The following PLIN3 variants were observed in gnomAD, a reference collection of about 807,000 sequenced individuals.
PLIN3 encodes the protein perilipin 3, also known as perilipin-3.
In PLIN3, 30 loss-of-function variants were observed where a neutral mutation model predicts 35.9. That is an observed-to-expected ratio of 0.84 (90% CI 0.62 to 1.13). PLIN3 has a LOEUF of 1.13. Ranked by LOEUF, PLIN3 falls within the 50% of genes most tolerant of loss-of-function variation. The pLI is 0.00. For synonymous variants in PLIN3, 261 were observed against 262.5 expected (o/e 0.99, Z 0.06); for missense variants, 603 against 596.9 (o/e 1.01, Z -0.11).
chr19:4,840,108 C>T (rs2146193442), intron 7 of PLIN3, among the ~76,000 whole-genome samples: 1 of 151,834 alleles, frequency 6.6e-6, no homozygotes, highest in South Asian at 2.1e-4. Flanking sequence ...GCTAGGACTA[C>T]AGGCGCGTGC....
At chr19:4,844,587 T>G in intron 7 of PLIN3, 81 bp downstream of exon 7, 1 of 1,391,262 alleles carries the variant, frequency 7.2e-7, no homozygotes, top group Non-Finnish European at 9.6e-7. Flanking sequence ...TCGAAGCAGG[T>G]AGGCCCATGA....
chr19:4,864,098 A>AATGTGTGTGTGTGTGTGT (rs1172963843), intron 1 of PLIN3, among the ~76,000 whole-genome samples: 7 of 125,374 alleles, frequency 5.6e-5, no homozygotes, highest in Admixed American at 3.3e-4. Context: ...ACACCTGGCT[A>AATGTGTGTGTGTGTGTGT]GTGTGTGTGT....
chr19:4,841,838 G>C (rs1308929689), intron 7 of PLIN3, among the ~76,000 whole-genome samples: 2 of 146,820 alleles, frequency 1.4e-5, no homozygotes, highest in African/African-American at 5.0e-5. Context: ...CCGGGAGGCG[G>C]AGCTTGCAGT....
At chr19:4,848,694 C>G (rs1362330099) in intron 5 of PLIN3, among the ~76,000 whole-genome samples, 1 of 152,148 alleles carries the variant, frequency 6.6e-6, no homozygotes, top group Non-Finnish European at 1.5e-5. Context: ...TGGCACTACC[C>G]CATCTCTACT....
intron 6 of PLIN3, among the ~76,000 whole-genome samples, chr19:4,845,999 C>T (rs1388769804): frequency 2.7e-4 from 38 of 141,046 alleles, no homozygotes; most frequent in African/African-American, 7.2e-4. Flanking sequence ...CCGAGGCGGG[C>T]GGATCAAGAG....
In PLIN3 at chr19:4,839,490, T is replaced by C. The variant is rs2093625842; in HGVS notation, c.1007A>G (p.Gln336Arg). Reference protein sequence around the residue: ...ALTMFRDIAQQLQATCTSLGS... With the variant: ...ALTMFRDIAQRLQATCTSLGS... ...CAGGGAGGTACAGGTGGCCTGCAGT[T>C]GCTGGGCAATGTCCCGGAACATGGT... is the stretch of plus-strand genomic sequence containing the variant. Residue 336 changes from glutamine to arginine, a missense_variant, in exon 8 of 8, where the codon CAA (glutamine) becomes CGA (arginine). Transcript: ENST00000221957. 6.5e-7 allele frequency: 1 copy of C among 1,547,920 alleles called. No homozygotes were observed. The highest frequency in any genetic ancestry group is 8.8e-7 in the Non-Finnish European group (1 of 1,142,192).
chr19:4,850,350 C>T (rs1319668959), intron 5 of PLIN3, among the ~76,000 whole-genome samples: 1 of 151,710 alleles, frequency 6.6e-6, no homozygotes, highest in African/African-American at 2.4e-5. Flanking sequence ...AATCTTGGCT[C>T]ACTGCAACCT....
rs756680594 is a variant in PLIN3 at position 4,859,878 on chromosome 19, C to T, written c.213G>A (p.Thr71=). 19 of 1,613,586 alleles carry T rather than the reference C, an allele frequency of 1.2e-5. No homozygotes were observed. Among genetic ancestry groups the T allele is most frequent in the South Asian group, 3.3e-5 (3 of 91,034 alleles). The change falls in exon 3 of 8, where the codon ACG becomes ACA. Residue 71 remains threonine, a synonymous_variant. Coordinates refer to ENST00000221957, the MANE Select transcript of PLIN3 (RefSeq NM_005817.5). ...DAAEKGVRTL[T]AAAVSGAQPI... The stretch of plus-strand genomic sequence containing the variant: ...GCTGAGCCCCGCTGACAGCAGCCGC[C>T]GTGAGGGTCCTCACTCCCTTCTCTG...
Position 4,861,311 on chromosome 19 carries a change from G to A in PLIN3, c.66+18C>T. On this transcript the variant is annotated intron_variant, in intron 2 of 7. Coordinates refer to ENST00000221957, the MANE Select transcript of PLIN3 (RefSeq NM_005817.5). ...AATCACAGGGTCGGGGCAGTCCCTG[G>A]TCCCGGCCCTTCCTCACCTGCTGTA... The A allele has an allele frequency of 6.2e-7, 1 of 1,610,498 alleles. No individual in the cohort carries two copies. The highest frequency in any genetic ancestry group is 8.5e-7 in the Non-Finnish European group (1 of 1,177,060).
At chr19:4,861,792 G>A (rs1170950362) in intron 1 of PLIN3, among the ~76,000 whole-genome samples, 3 of 151,708 alleles carry the variant, frequency 2.0e-5, no homozygotes, top group Non-Finnish European at 2.9e-5. Context: ...CCACCACCAC[G>A]CCCAGCTAAT....
chr19:4,842,557 G>T (rs185300049), intron 7 of PLIN3, among the ~76,000 whole-genome samples: 1 of 130,882 alleles, frequency 7.6e-6, no homozygotes, highest in Non-Finnish European at 1.5e-5. Flanking sequence ...CCGAGATCAT[G>T]ACATTGCACT....
At chr19:4,857,531 T>A (rs1360375569) in intron 4 of PLIN3, among the ~76,000 whole-genome samples, 1 of 152,016 alleles carries the variant, frequency 6.6e-6, no homozygotes, top group Non-Finnish European at 1.5e-5. Context: ...ATCACACTAC[T>A]GCACCCCACC....
chr19:4,866,349 C>G (rs2030858736), intron 1 of PLIN3, among the ~76,000 whole-genome samples: 1 of 152,216 alleles, frequency 6.6e-6, no homozygotes, highest in South Asian at 2.1e-4. Flanking sequence ...CTTGGCAACT[C>G]ACTAGGAATA....
chr19:4,861,446 T>C (rs1475968974), intron 1 of PLIN3, 35 bp from the exon 2 acceptor site: 3 of 1,493,442 alleles, frequency 2.0e-6, no homozygotes, highest in South Asian at 1.1e-5. Flanking sequence ...ACAGCCTGCC[T>C]GGCCCCACCT....
At chr19:4,857,838 T>C (rs548996824) in intron 4 of PLIN3, among the ~76,000 whole-genome samples, 1 of 151,770 alleles carries the variant, frequency 6.6e-6, no homozygotes, top group East Asian at 2.0e-4. Flanking sequence ...TGGCCAGGTG[T>C]GGTGGCACAT....
chr19:4,857,473 T>C (rs2030511797), intron 4 of PLIN3, among the ~76,000 whole-genome samples: 2 of 151,528 alleles, frequency 1.3e-5, no homozygotes, highest in Admixed American at 6.6e-5. Flanking sequence ...GAAGCTGAGA[T>C]GGGAGGATCA....
At chr19:4,846,651 A>C (rs2030107354) in intron 6 of PLIN3, among the ~76,000 whole-genome samples, 1 of 151,368 alleles carries the variant, frequency 6.6e-6, no homozygotes, top group Non-Finnish European at 1.5e-5. Flanking sequence ...GTGATCTGAG[A>C]TTGCACCACT....
At chr19:4,856,542 G>A (rs189697367) in intron 4 of PLIN3, among the ~76,000 whole-genome samples, 143 of 151,442 alleles carry the variant, frequency 9.4e-4, no homozygotes, top group Non-Finnish European at 1.6e-3. Context: ...TGGGCAACAA[G>A]AGCAACACTC....
chr19:4,859,908 G>T lies in PLIN3; in HGVS notation c.183C>A (p.Asp61Glu). ...GGGTCCTCACTCCCTTCTCTGCTGCGTCGCAGACAGTCTTGATGTGCGGGT... is the reference window on the plus strand; with the variant it reads ...GGGTCCTCACTCCCTTCTCTGCTGCTTCGCAGACAGTCTTGATGTGCGGGT... ...ESYPHIKTVC[D>E]AAEKGVRTLT... Residue 61 changes from aspartate to glutamate, a missense_variant, in exon 3 of 8, where the codon GAC becomes GAA. Transcript: ENST00000221957. The T allele has an allele frequency of 6.2e-7, 1 of 1,613,966 alleles. No homozygotes were observed. The highest frequency in any genetic ancestry group is 8.5e-7 in the Non-Finnish European group (1 of 1,180,006).
Sources: gnomAD v4.1 joint callset for allele counts (sites outside exome capture counted in the v4.1 genomes callset) on GRCh38, gnomAD v4.1.1 for gene constraint, MANE v1.5 for transcripts, NCBI Gene and HGNC (gene_info 2026-07-23, HGNC 2026-07-21) for gene names.